The following ASPRV1 variants were observed in gnomAD, a reference collection of about 807,000 sequenced individuals.
The protein encoded by ASPRV1 is retroviral-like aspartic protease 1.
A neutral mutation model predicts 11.0 loss-of-function variants in ASPRV1; 7 were observed. The ratio of observed to expected loss-of-function variants is 0.64; its 90% CI spans 0.36 to 1.20. ASPRV1 has a LOEUF of 1.20. ASPRV1 is among the 50% of genes most tolerant of loss of function. The pLI is 0.02. For synonymous variants in ASPRV1, 136 were observed against 138.4 expected (o/e 0.98, Z 0.12); for missense variants, 299 against 320.0 (o/e 0.93, Z 0.50).
At chr2:70,084,181 T>A in the ASPRV1 span, among the ~76,000 whole-genome samples, 2 of 152,208 alleles carry the variant, frequency 1.3e-5, no homozygotes. Context: ...AATATTTCAG[T>A]AGGTAGTCTT....
At chr2:69,954,572 G>A in the ASPRV1 span, among the ~76,000 whole-genome samples, 2 of 152,164 alleles carry the variant, frequency 1.3e-5, 1 homozygote, top group Non-Finnish European at 2.9e-5. Context: ...GTCCATATGA[G>A]AGGATCCATG....
chr2:70,001,028 T>C, the ASPRV1 span, among the ~76,000 whole-genome samples: 1 of 152,018 alleles, frequency 6.6e-6, no homozygotes, highest in Non-Finnish European at 1.5e-5. Flanking sequence ...GGGAAGGACA[T>C]AGTGAAGGAG....
the ASPRV1 span, among the ~76,000 whole-genome samples, chr2:70,039,529 T>C: frequency 1.3e-5 from 2 of 152,290 alleles, 1 homozygote; most frequent in South Asian, 4.1e-4. Context: ...GCTCAATCCT[T>C]AGACGTTTAA....
the ASPRV1 span, among the ~76,000 whole-genome samples, chr2:70,035,870 AT>A: frequency 4.2e-4 from 62 of 147,514 alleles, no homozygotes; most frequent in African/African-American, 9.2e-4. Flanking sequence ...ACTTCACAAA[AT>A]TTTTTTTTTT....
chr2:70,082,259 G>A, the ASPRV1 span, among the ~76,000 whole-genome samples: 20 of 152,020 alleles, frequency 1.3e-4, no homozygotes, highest in Non-Finnish European at 8.8e-5. Context: ...ACAGTACTTG[G>A]CCAGTACGGC....
the ASPRV1 span, among the ~76,000 whole-genome samples, chr2:69,951,249 C>T: frequency 6.6e-5 from 10 of 151,822 alleles, no homozygotes; most frequent in South Asian, 1.5e-3. Context: ...CTTGGTGAAA[C>T]CCCGTCTCTA....
At chr2:70,003,860 A>G in the ASPRV1 span, among the ~76,000 whole-genome samples, 1 of 152,214 alleles carries the variant, frequency 6.6e-6, no homozygotes, top group Admixed American at 6.5e-5. Flanking sequence ...TCCTCACAAA[A>G]GGACAAATTT....
chr2:70,034,340 G>A, the ASPRV1 span, among the ~76,000 whole-genome samples: 16 of 151,420 alleles, frequency 1.1e-4, no homozygotes, highest in Non-Finnish European at 1.6e-4. Flanking sequence ...AGGCCGAGGC[G>A]GGCAGAACAC....
At chr2:70,022,115 T>C in the ASPRV1 span, among the ~76,000 whole-genome samples, 4 of 151,606 alleles carry the variant, frequency 2.6e-5, no homozygotes, top group East Asian at 2.0e-4. Context: ...CCCAGGTTCA[T>C]GCCGTTCTCC....
the ASPRV1 span, among the ~76,000 whole-genome samples, chr2:70,086,791 C>A: frequency 6.6e-6 from 1 of 152,262 alleles, no homozygotes; most frequent in African/African-American, 2.4e-5. Context: ...GGACGCCATT[C>A]TTTTTAGGAC....
At chr2:70,014,467 T>C in the ASPRV1 span, 1 of 151,958 alleles carries the variant, frequency 6.6e-6, no homozygotes, top group African/African-American at 2.4e-5. Context: ...TGGGACTACA[T>C]CAAACTTAAA....
At chr2:69,949,024 C>A in the ASPRV1 span, among the ~76,000 whole-genome samples, 2 of 152,160 alleles carry the variant, frequency 1.3e-5, no homozygotes, top group African/African-American at 4.8e-5. Context: ...CCTTGAGGAC[C>A]CCCGACTCCA....
the ASPRV1 span, chr2:69,939,329 CTTAT>C: frequency 6.6e-6 from 1 of 152,560 alleles, no homozygotes; most frequent in Non-Finnish European, 1.5e-5. Flanking sequence ...AACTCCTCTC[CTTAT>C]TGATTATTTT....
the ASPRV1 span, among the ~76,000 whole-genome samples, chr2:70,008,406 C>A: frequency 6.6e-6 from 1 of 152,194 alleles, no homozygotes; most frequent in East Asian, 1.9e-4. Context: ...TGTCTGAATT[C>A]TCCAGAATAT....
the ASPRV1 span, among the ~76,000 whole-genome samples, chr2:69,983,570 G>T: frequency 2.0e-5 from 3 of 152,126 alleles, no homozygotes; most frequent in African/African-American, 7.2e-5. Flanking sequence ...GGCTGGATGT[G>T]GCAGGCAGGG....
the ASPRV1 span, among the ~76,000 whole-genome samples, chr2:70,039,810 G>A: frequency 6.6e-6 from 1 of 152,148 alleles, no homozygotes; most frequent in Non-Finnish European, 1.5e-5. Context: ...ACCTTTAATT[G>A]TTCTTGAATA....
the ASPRV1 span, chr2:69,996,882 C>G: frequency 3.2e-6 from 1 of 314,680 alleles, no homozygotes; most frequent in Non-Finnish European, 6.4e-6. Flanking sequence ...GTGGAAAATT[C>G]TGTGACCTGT....
chr2:70,081,455 A>G, the ASPRV1 span: 1 of 151,512 alleles, frequency 6.6e-6, no homozygotes, highest in African/African-American at 2.4e-5. Context: ...AGATTGCGCC[A>G]CTGCACTCCA....
At chr2:69,961,813 C>T, upstream of ASPRV1, 1 of 1,116,104 alleles carries the variant, frequency 9.0e-7, no homozygotes, top group Non-Finnish European at 1.3e-6. Flanking sequence ...CAGCCCACAT[C>T]CCAAGAAAGG....
Sources: gnomAD v4.1 joint callset for allele counts (sites outside exome capture counted in the v4.1 genomes callset) on GRCh38, gnomAD v4.1.1 for gene constraint, MANE v1.5 for transcripts, NCBI Gene and HGNC (gene_info 2026-07-23, HGNC 2026-07-21) for gene names.